The following HMCN2 variants were observed in gnomAD, a reference collection of about 807,000 sequenced individuals.
The protein encoded by HMCN2 is hemicentin-2.
HMCN2 carries 325 observed loss-of-function variants against 377.5 expected under a neutral mutation model. The ratio of observed to expected loss-of-function variants is 0.86; its 90% CI spans 0.79 to 0.94. The LOEUF (loss-of-function observed/expected upper bound fraction) is 0.94, where lower values mean the gene tolerates loss of function less well. Ranked by LOEUF, HMCN2 falls within the 40% of genes least tolerant of loss-of-function variation. HMCN2 has a pLI of 0.00. For missense variants in HMCN2, 4,543 were observed against 4,725.3 expected (o/e 0.96, Z 1.13); for synonymous variants, 2,007 against 2,046.8 (o/e 0.98, Z 0.53).
Position 130,431,384 on chromosome 9 carries a change from G to T in HMCN2, c.14665G>T (p.Val4889Leu). Reference sequence around the variant, plus strand: ...CGGGCCAGACCTTGACGAGTGCCGCGTGAGGAACCTGTGTCAGCACGCCTG... The same window carrying T: ...CGGGCCAGACCTTGACGAGTGCCGCTTGAGGAACCTGTGTCAGCACGCCTG... Reference protein sequence around the residue: ...GVCTDLDECRVRNLCQHACRN... With the variant: ...GVCTDLDECRLRNLCQHACRN... The change falls in exon 96 of 98, where the codon GTG (valine) becomes TTG (leucine). Residue 4889 changes from valine to leucine, a missense_variant. Physicochemically the swap from Val to Leu is conservative, Grantham distance 32 (BLOSUM62 1). Around this residue, in one of 5 missense-constraint regions of HMCN2, gnomAD observed 1,155 missense variants for 1,157.7 expected, o/e 1.00. Transcript: ENST00000683500. 1 of 1,549,934 alleles carries T rather than the reference G, an allele frequency of 6.5e-7. No individual in the cohort carries two copies. The highest frequency in any genetic ancestry group is 8.7e-7 in the Non-Finnish European group (1 of 1,146,782).
In HMCN2 at chr9:130,303,076, G is replaced by A. The variant is rs1290853128; in HGVS notation, c.1421+75G>A. ...GCTGAGGCCCTGGAGGGATCTCAGG[G>A]GAGTGGGTGGCAGGAGAGAGACCTT... is the stretch of plus-strand genomic sequence containing the variant. On this transcript the variant is annotated intron_variant, in intron 9 of 97. Coordinates refer to ENST00000683500, the MANE Select transcript of HMCN2 (RefSeq NM_001291815.2). This position sits in a 1 kb window ranked among gnomAD's most constrained non-coding sequence, Gnocchi z 5.2. The A allele has an allele frequency of 1.0e-5, 4 of 382,658 alleles. No homozygotes were observed. The Admixed American group carries it at 1.2e-4, about 12-fold the overall frequency. The allele number at this position is 382,658 out of a possible 1,614,324, so 23.7% of individuals were successfully genotyped here.
chr9:130,273,166 T>C (rs6478956), intron 1 of HMCN2, among the ~76,000 whole-genome samples: 119,697 of 151,440 alleles, frequency 0.79, 47,788 homozygotes, highest in African/African-American at 0.91. Flanking sequence ...TAAAGATTAT[T>C]TTAAGATAGT....
chr9:130,300,109 A>G (rs66503925), intron 8 of HMCN2, among the ~76,000 whole-genome samples: 15,908 of 151,302 alleles, frequency 0.11, 820 homozygotes, highest in Middle Eastern at 0.14. Flanking sequence ...TTACCCATCC[A>G]TCTACCCATT....
At chr9:130,278,728 A>G (rs1834935953) in intron 1 of HMCN2, among the ~76,000 whole-genome samples, 2 of 151,330 alleles carry the variant, frequency 1.3e-5, no homozygotes, top group African/African-American at 4.9e-5. Flanking sequence ...GATTACAGGC[A>G]TGCACCACCA....
Position 130,384,742 on chromosome 9 carries a change from G to A in HMCN2, c.9050G>A (p.Cys3017Tyr), listed in dbSNP as rs997986829. 20 of 1,302,978 alleles carry A rather than the reference G, an allele frequency of 1.5e-5. No homozygotes were observed. Among genetic ancestry groups the A allele is most frequent in the African/African-American group, 1.4e-4 (9 of 65,854 alleles). 80.7% of individuals were successfully genotyped at this position (1,302,978 alleles called of 1,614,324 possible). ...CTGTCGGACTCCGGGATGTACACATGCGAAGCCCTCAATGCTGCCGGCCGA... is the reference window on the plus strand; with the variant it reads ...CTGTCGGACTCCGGGATGTACACATACGAAGCCCTCAATGCTGCCGGCCGA... ...ARLSDSGMYTCEALNAAGRDQ... is the reference protein window; with the variant it reads ...ARLSDSGMYTYEALNAAGRDQ... Residue 3017 changes from cysteine (C) to tyrosine (Y), a missense_variant, in exon 59 of 98, where the codon TGC becomes TAC. Physicochemically the swap from Cys to Tyr is radical, Grantham distance 194. Coordinates refer to ENST00000683500, the MANE Select transcript of HMCN2 (RefSeq NM_001291815.2).
intron 43 of HMCN2, among the ~76,000 whole-genome samples, chr9:130,367,255 T>C (rs1840744740): frequency 6.6e-6 from 1 of 151,898 alleles, no homozygotes; most frequent in Admixed American, 6.6e-5. Context: ...AAATACCTAG[T>C]GAGGTGTCAA....
intron 15 of HMCN2, among the ~76,000 whole-genome samples, chr9:130,315,588 C>T (rs932935794): frequency 2.0e-5 from 3 of 150,960 alleles, no homozygotes; most frequent in Admixed American, 6.6e-5. Flanking sequence ...GCCTTTCCAT[C>T]GCCTGGACTC....
intron 89 of HMCN2, among the ~76,000 whole-genome samples, 181 bp downstream of exon 89, chr9:130,425,311 C>T (rs946921826): frequency 2.6e-5 from 4 of 152,124 alleles, no homozygotes; most frequent in South Asian, 2.1e-4. Context: ...CAAGTTCAAG[C>T]GCTTGAAGGG....
intron 51 of HMCN2, 57 bp downstream of exon 51, chr9:130,376,046 G>A: frequency 1.3e-6 from 1 of 788,480 alleles, no homozygotes; most frequent in Non-Finnish European, 1.5e-6. Flanking sequence ...CGGGAACCTA[G>A]GGGCCCAGGC....
rs181272434 is a variant in HMCN2 at position 130,271,692 on chromosome 9, A to C, written c.259+5555A>C. Among the ~76,000 whole-genome samples, 7 of 148,354 alleles carry C rather than the reference A, an allele frequency of 4.7e-5. 1 individual carries two copies. The East Asian group carries it at 1.4e-3, about 29-fold the overall frequency. On this transcript the variant is annotated intron_variant, in intron 1 of 97. Coordinates refer to ENST00000683500, the MANE Select transcript of HMCN2 (RefSeq NM_001291815.2). ...TCCTGCCTCAGTCCTTGAATTCGCT[A>C]TTTCTCCAAGGAGCCCTGCTTCCTG...
At chr9:130,339,856 G>T (rs894266753) in intron 23 of HMCN2, among the ~76,000 whole-genome samples, 1 of 152,190 alleles carries the variant, frequency 6.6e-6, no homozygotes, top group Non-Finnish European at 1.5e-5. Flanking sequence ...TGCGTAGGGG[G>T]TGGGTGCACC....
intron 25 of HMCN2, among the ~76,000 whole-genome samples, chr9:130,345,952 T>C (rs1393707351): frequency 1.3e-5 from 2 of 151,970 alleles, no homozygotes; most frequent in African/African-American, 4.8e-5. Context: ...CCACCATGCT[T>C]ACTGGTCCTT....
intron 93 of HMCN2, 107 bp from the exon 94 acceptor site, chr9:130,429,447 TGGA>T: frequency 7.2e-7 from 1 of 1,385,916 alleles, no homozygotes; most frequent in Admixed American, 2.3e-5. Context: ...GCACTGAAAC[TGGA>T]GAAGGGGACA....
intron 4 of HMCN2, among the ~76,000 whole-genome samples, chr9:130,290,806 C>T (rs782063247): frequency 6.7e-6 from 1 of 148,784 alleles, no homozygotes; most frequent in Non-Finnish European, 1.5e-5. Context: ...ATTCTTGTCA[C>T]GTGATAGTTG....
At chr9:130,269,338 G>C (rs1178253301) in intron 1 of HMCN2, among the ~76,000 whole-genome samples, 3 of 137,728 alleles carry the variant, frequency 2.2e-5, no homozygotes, top group Non-Finnish European at 4.7e-5. Flanking sequence ...GTTGTTTTCA[G>C]TGTTTCTATA....
intron 41 of HMCN2, 47 bp from the exon 42 acceptor site, chr9:130,365,584 C>A: frequency 1.1e-6 from 1 of 893,926 alleles, no homozygotes; most frequent in African/African-American, 1.8e-5. Flanking sequence ...CAGGGCTCAC[C>A]CATCTCTGTG....
In HMCN2 at chr9:130,310,760, G is replaced by T. The variant is rs1837205036; in HGVS notation, c.2350+699G>T. Among the ~76,000 whole-genome samples, 5 of 152,278 alleles carry T rather than the reference G, an allele frequency of 3.3e-5. No individual in the cohort carries two copies. The South Asian group carries it at 1.0e-3, about 32-fold the overall frequency. ...TTGGAGGCCCACCGCAGACAGTTTG[G>T]TTCAGCTCGGGATGAGAATTCCAGT... On this transcript the variant is annotated intron_variant, in intron 15 of 97. Transcript: ENST00000683500.
At position 130,383,973 on chromosome 9, in the gene HMCN2, T is replaced by C. The variant is rs191442211; in HGVS notation, c.8830+373T>C. On this transcript the variant is annotated intron_variant, in intron 57 of 97. Transcript: ENST00000683500. ...AGGTCGCCCTCAGAGAGGAGTGGGA[T>C]TGGGGGGGTCTCACTGTCCCGGAGC... 1.8e-3 allele frequency among the ~76,000 whole-genome samples: 269 copies of C among 151,650 alleles called. 2 individuals are homozygous for C. The highest frequency in any genetic ancestry group is 6.4e-3 in the African/African-American group (262 of 41,004).
intron 1 of HMCN2, among the ~76,000 whole-genome samples, chr9:130,278,279 C>G (rs1002550709): frequency 3.9e-5 from 6 of 152,074 alleles, no homozygotes; most frequent in Non-Finnish European, 1.5e-5. Flanking sequence ...CGCCCACCAC[C>G]ACGCCCGGCT....
Sources: gnomAD v4.1 joint callset for allele counts (sites outside exome capture counted in the v4.1 genomes callset) on GRCh38, gnomAD v4.1.1 for gene constraint, gnomAD v4.1.1 regional missense constraint, Gnocchi (gnomAD v3.1) non-coding constraint, MANE v1.5 for transcripts, NCBI Gene and HGNC (gene_info 2026-07-23, HGNC 2026-07-21) for gene names.